Variants in LCP2 observed in about 807,000 individuals in gnomAD.
LCP2 encodes lymphocyte cytosolic protein 2, also known as 76 kDa tyrosine phosphoprotein.
A neutral mutation model predicts 74.5 loss-of-function variants in LCP2; 29 were observed. The ratio of observed to expected loss-of-function variants is 0.39; its 90% CI spans 0.29 to 0.53. The LOEUF is 0.53. Ranked by LOEUF, LCP2 falls within the 20% of genes least tolerant of loss-of-function variation. The pLI is 0.72. For synonymous variants in LCP2, 228 were observed against 229.5 expected (o/e 0.99, Z 0.06); for missense variants, 604 against 634.6 (o/e 0.95, Z 0.52).
intron 3 of LCP2, among the ~76,000 whole-genome samples, chr5:170,281,336 G>T (rs1463513956): frequency 1.3e-5 from 2 of 151,894 alleles, no homozygotes; most frequent in Non-Finnish European, 2.9e-5. Flanking sequence ...CTGGAGTGCA[G>T]TGCCACGATC....
At chr5:170,291,393 T>G (rs542941328) in intron 2 of LCP2, among the ~76,000 whole-genome samples, 1 of 152,348 alleles carries the variant, frequency 6.6e-6, no homozygotes, top group African/African-American at 2.4e-5. Context: ...AGGGTGGGTT[T>G]CAGCAGAAGC....
chr5:170,272,092 C>A (rs1475455884), intron 6 of LCP2, among the ~76,000 whole-genome samples: 2 of 152,178 alleles, frequency 1.3e-5, no homozygotes, highest in Non-Finnish European at 2.9e-5. Flanking sequence ...AGATCAAGAG[C>A]CTCAGCATGG....
chr5:170,266,506 C>T (rs1399301161), intron 10 of LCP2, among the ~76,000 whole-genome samples: 5 of 152,202 alleles, frequency 3.3e-5, no homozygotes, highest in African/African-American at 4.8e-5. Context: ...GATTTGTATA[C>T]ACAGATCATC....
At chr5:170,274,245 CA>C in intron 6 of LCP2, 55 bp downstream of exon 6, 1 of 1,583,660 alleles carries the variant, frequency 6.3e-7, no homozygotes. Context: ...CTCCTTATCA[CA>C]AAGCTGCCCT....
chr5:170,261,407 G>GTGTGTATATATA (rs150577805), intron 13 of LCP2, among the ~76,000 whole-genome samples: 106 of 146,312 alleles, frequency 7.2e-4, no homozygotes, highest in Non-Finnish European at 1.2e-3. Flanking sequence ...GTGTGTGTGT[G>GTGTGTATATATA]TATATATATA....
intron 3 of LCP2, among the ~76,000 whole-genome samples, chr5:170,277,844 G>A (rs970155378): frequency 1.3e-4 from 20 of 152,074 alleles, no homozygotes; most frequent in Admixed American, 1.3e-3. Context: ...GTACTTAAGA[G>A]GAAAGAGAAG....
chr5:170,272,706 G>A (rs777101503), intron 6 of LCP2, among the ~76,000 whole-genome samples: 5 of 131,732 alleles, frequency 3.8e-5, no homozygotes, highest in East Asian at 4.9e-4. Context: ...TCCACCTCCC[G>A]GGTTCAAGCA....
chr5:170,264,294 A>T (rs550172419), intron 10 of LCP2, among the ~76,000 whole-genome samples: 1 of 152,350 alleles, frequency 6.6e-6, no homozygotes, highest in East Asian at 1.9e-4. Flanking sequence ...ACAAATTTAG[A>T]GATTTTCTTC....
At position 170,274,262 on chromosome 5, in the gene LCP2, C is replaced by T. The variant is rs751977899; in HGVS notation, c.324+39G>A. The T allele has an allele frequency of 5.6e-6, 9 of 1,607,436 alleles. No homozygotes were observed. In the East Asian group the frequency reaches 2.0e-4, roughly 36 times the overall value. On this transcript the variant is annotated intron_variant, in intron 6 of 20. Coordinates refer to ENST00000046794, the MANE Select transcript of LCP2 (RefSeq NM_005565.5). ...CCTTATCACAAAGCTGCCCTGGACA[C>T]TGCTGTAAAGGTGCAAGAACAGCCC...
chr5:170,297,176 G>A (rs145855583), intron 1 of LCP2, among the ~76,000 whole-genome samples: 2 of 152,110 alleles, frequency 1.3e-5, no homozygotes, highest in Admixed American at 6.5e-5. Flanking sequence ...CTAGGGCTTC[G>A]GACCATTTCA....
At chr5:170,262,520 G>A (rs1010868406) in intron 13 of LCP2, 115 bp downstream of exon 13, 9 of 700,526 alleles carry the variant, frequency 1.3e-5, no homozygotes, top group Non-Finnish European at 1.4e-5. Context: ...AGCAAGAAAA[G>A]GCCCACCCTG....
intron 3 of LCP2, among the ~76,000 whole-genome samples, chr5:170,281,381 G>A (rs948017263): frequency 5.9e-5 from 9 of 151,990 alleles, no homozygotes; most frequent in Admixed American, 3.3e-4. Flanking sequence ...CCGGGTTCAC[G>A]CCATTCTCCT....
chr5:170,288,100 A>G (rs1762216680), intron 2 of LCP2, 84 bp from the exon 3 acceptor site: 2 of 1,384,314 alleles, frequency 1.4e-6, no homozygotes, highest in African/African-American at 2.9e-5. Context: ...ACGTGAAACA[A>G]TATAGGGAGT....
intron 3 of LCP2, among the ~76,000 whole-genome samples, chr5:170,281,138 C>T (rs961272837): frequency 2.6e-5 from 4 of 152,180 alleles, no homozygotes; most frequent in African/African-American, 9.7e-5. Context: ...GAAGAAGGGA[C>T]AGCCAAGGGA....
intron 17 of LCP2, among the ~76,000 whole-genome samples, chr5:170,254,547 C>T (rs1221270658): frequency 6.6e-6 from 1 of 152,216 alleles, no homozygotes; most frequent in Non-Finnish European, 1.5e-5. Flanking sequence ...GCTGCCAGTG[C>T]CTTCCTTCTC....
intron 2 of LCP2, among the ~76,000 whole-genome samples, chr5:170,290,961 AAAG>A (rs1458313816): frequency 1.5e-4 from 5 of 33,700 alleles, no homozygotes; most frequent in African/African-American, 3.5e-4. Context: ...GAAAAGAAAG[AAAG>A]AAAGAAAGAA....
At position 170,251,245 on chromosome 5, in the gene LCP2, A is replaced by ATATC. The variant is rs143147068; in HGVS notation, c.1324-364_1324-361dup. 9 of 212,812 alleles carry ATATC rather than the reference A, an allele frequency of 4.2e-5. No homozygotes were observed. The East Asian group carries it at 1.1e-3, about 27-fold the overall frequency. 13.2% of individuals were successfully genotyped at this position (212,812 alleles called of 1,614,324 possible). A position where few individuals can be genotyped will look rare whatever the true frequency, so the allele number is the denominator to read the frequency against. ...AATACTTTATTGGTTAACTCAAGAT[A>ATATC]TATCTTCCTAGTATTCCTGTGAGTT... On this transcript the variant is annotated intron_variant, in intron 19 of 20. Coordinates refer to ENST00000046794, the MANE Select transcript of LCP2 (RefSeq NM_005565.5).
At chr5:170,273,920 C>CGG (rs3833445) in intron 6 of LCP2, 52 of 86,094 alleles carry the variant, frequency 6.0e-4, no homozygotes, top group East Asian at 1.1e-3. Context: ...TTTTTGGAGA[C>CGG]GGGGGGGTAG....
chr5:170,283,095 G>T (rs1372229673), intron 3 of LCP2, among the ~76,000 whole-genome samples: 1 of 152,164 alleles, frequency 6.6e-6, no homozygotes. Context: ...GGGCAGCCTG[G>T]ACCTTCCCTT....
Sources: allele counts gnomAD v4.1 joint callset (sites outside exome capture counted in the v4.1 genomes callset), GRCh38; gene constraint gnomAD v4.1.1; transcripts MANE v1.5; gene names NCBI Gene and HGNC (gene_info 2026-07-23, HGNC 2026-07-21).